Variants in CYB5R2 observed in about 807,000 individuals in gnomAD.
The protein encoded by CYB5R2 is NADH-cytochrome b5 reductase 2.
A neutral mutation model predicts 29.8 loss-of-function variants in CYB5R2; 35 were observed. The ratio of observed to expected loss-of-function variants is 1.17; its 90% confidence interval spans 0.90 to 1.56. The LOEUF (loss-of-function observed/expected upper bound fraction) is 1.56, where lower values mean the gene tolerates loss of function less well. Ranked by LOEUF, CYB5R2 falls within the 40% of genes most tolerant of loss-of-function variation. The pLI, the probability that CYB5R2 is intolerant of heterozygous loss-of-function variation, is 0.00. For missense variants in CYB5R2, 419 were observed against 346.7 expected, an observed-to-expected ratio of 1.21 and a Z score of -1.66; for synonymous variants, 169 against 130.6, an observed-to-expected ratio of 1.29 and a Z score of -2.01.
rs985933409 is a variant in CYB5R2, at chr11:7,673,453, G to A, written c.-101C>T. On this transcript the variant is annotated 5_prime_UTR_variant, in exon 1 of 9. Transcript: ENST00000299498. ...CCGCCCTGCTCCTCTCCCAACTCAAGCCCGACAGGGAAAGTTGCCTCTCCT... is the reference window on the plus strand; with the variant it reads ...CCGCCCTGCTCCTCTCCCAACTCAAACCCGACAGGGAAAGTTGCCTCTCCT... The A allele has an allele frequency of 2.5e-5, 25 of 986,294 alleles. No individual in the cohort carries two copies. In the African/African-American group the frequency reaches 3.8e-4, roughly 15 times the overall value. The allele number at this position is 986,294 out of a possible 1,614,324, so 61.1% of individuals were successfully genotyped here. A position where few individuals can be genotyped will look rare whatever the true frequency, so the allele number is the denominator to read the frequency against.
At chr11:7,673,880 A>C (rs1439365511), upstream of CYB5R2, 2 of 991,352 alleles carry the variant, frequency 2.0e-6, no homozygotes, top group Non-Finnish European at 2.4e-6. Context: ...GCGCGGGCGG[A>C]CCCCGCAGGC....
Position 7,669,674 on chromosome 11 carries a change from G to T in CYB5R2, c.209C>A (p.Thr70Asn). 1 of 1,613,570 alleles carries T rather than the reference G, an allele frequency of 6.2e-7. No homozygotes were observed. ...IDNELVVRAY[T>N]PVSSDDDRGF... Reference sequence around the variant, plus strand: ...TCTGTCATCATCACTGGAGACAGGGGTGTAAGCCCTGACCACCAATTCATT... The same window carrying T: ...TCTGTCATCATCACTGGAGACAGGGTTGTAAGCCCTGACCACCAATTCATT... Residue 70 changes from threonine (T) to asparagine (N), a missense_variant, in exon 4 of 9, where the codon ACC becomes AAC. Transcript: ENST00000299498.
At chr11:7,667,912 T>C (rs1040322515) in intron 6 of CYB5R2, 99 bp from the exon 7 acceptor site, 3 of 983,998 alleles carry the variant, frequency 3.0e-6, no homozygotes, top group East Asian at 2.4e-5. Context: ...GCCCAAGTTA[T>C]CCTTTTCTCA....
chr11:7,669,494 CTG>C, intron 4 of CYB5R2, 129 bp downstream of exon 4: 1 of 1,219,808 alleles, frequency 8.2e-7, no homozygotes. Flanking sequence ...ACAAGGTTAA[CTG>C]TAGCTTCACT....
At chr11:7,669,434 G>A (rs1855583217) in intron 4 of CYB5R2, 100 bp from the exon 5 acceptor site, 9 of 1,432,246 alleles carry the variant, frequency 6.3e-6, no homozygotes, top group Admixed American at 2.1e-5. Flanking sequence ...TGCAGAGAAA[G>A]TGTTCTCCTC....
rs917866600 is a variant in CYB5R2, at chr11:7,666,395, A to C, written c.658+56T>G. The C allele has an allele frequency of 1.2e-5, 14 of 1,131,678 alleles. No homozygotes were observed. The African/African-American group carries it at 1.7e-4, about 14-fold the overall frequency. 70.1% of individuals were successfully genotyped at this position (1,131,678 alleles called of 1,614,324 possible). On this transcript the variant is annotated intron_variant, in intron 8 of 8. Coordinates refer to ENST00000299498, the MANE Select transcript of CYB5R2 (RefSeq NM_016229.5). The stretch of plus-strand genomic sequence containing the variant: ...AACAAAGAGACAGAGACCAGTCCTC[A>C]AAGTGGTCAAGGGTTGGTGCTGACC...
upstream of CYB5R2, chr11:7,673,538 G>A (rs1300113198): frequency 3.1e-6 from 3 of 968,164 alleles, no homozygotes; most frequent in Non-Finnish European, 3.7e-6. Context: ...CCCACTCCCC[G>A]CCCTTCGCGG....
chr11:7,671,593 C>G (rs770875463), intron 3 of CYB5R2: 1 of 152,332 alleles, frequency 6.6e-6, no homozygotes, highest in South Asian at 2.1e-4. Context: ...AGTGAGGGAA[C>G]AGCAAGGAGG....
rs747457495 is a variant in CYB5R2 at position 7,669,205 on chromosome 11, C to A, written c.388G>T (p.Gly130Trp). Residue 130 changes from glycine (G) to tryptophan (W), a missense_variant and splice_region_variant, in exon 5 of 9, where the codon GGG becomes TGG. Coordinates refer to ENST00000299498, the MANE Select transcript of CYB5R2 (RefSeq NM_016229.5). ...PRGRLFYHGP[G>W]NLGIRPDQTS... Reference sequence around the variant, plus strand: ...GCCCAAGTATTAACCCCTCCAGTACCTGGCCCATGGTAAAACAAGCGTCCC... The same window carrying A: ...GCCCAAGTATTAACCCCTCCAGTACATGGCCCATGGTAAAACAAGCGTCCC... 3 of 1,614,038 alleles carry A rather than the reference C, an allele frequency of 1.9e-6. No homozygotes were observed. Among genetic ancestry groups the A allele is most frequent in the Non-Finnish European group, 2.5e-6 (3 of 1,180,024 alleles).
In CYB5R2 at chr11:7,672,888, G is replaced by T; in HGVS notation, c.-63C>A. 6.2e-7 allele frequency: 1 copy of T among 1,611,980 alleles called. No homozygotes were observed. Among genetic ancestry groups the T allele is most frequent in the East Asian group, 2.2e-5 (1 of 44,820 alleles). ...ACGGTGATGGTCAGGAGCAGGGACGGGTCCTGGCAGACACAATGTGAACAG... is the reference window on the plus strand; with the variant it reads ...ACGGTGATGGTCAGGAGCAGGGACGTGTCCTGGCAGACACAATGTGAACAG... On this transcript the variant is annotated 5_prime_UTR_variant, in exon 2 of 9. Transcript: ENST00000299498.
intron 2 of CYB5R2, 38 bp downstream of exon 2, chr11:7,672,710 C>T: frequency 6.2e-7 from 1 of 1,613,304 alleles, no homozygotes; most frequent in Non-Finnish European, 8.5e-7. Flanking sequence ...CAGCCATCAT[C>T]CACTTACTGC....
At chr11:7,669,147 G>C (rs766143055) in intron 5 of CYB5R2, 58 bp downstream of exon 5, 36 of 1,606,334 alleles carry the variant, frequency 2.2e-5, no homozygotes, top group South Asian at 4.4e-5. Context: ...GAGAACAATG[G>C]AACCATTGCA....
At chr11:7,669,129 G>T in intron 5 of CYB5R2, 76 bp downstream of exon 5, 1 of 1,561,004 alleles carries the variant, frequency 6.4e-7, no homozygotes, top group Non-Finnish European at 8.8e-7. Context: ...CAAATCTGAG[G>T]AGTGTACGAG....
chr11:7,672,413 G>C (rs1317509508), intron 3 of CYB5R2, 38 bp downstream of exon 3: 1 of 1,580,960 alleles, frequency 6.3e-7, no homozygotes, highest in Non-Finnish European at 8.7e-7. Context: ...CTAGCCCCCA[G>C]AGGCCCCAGT....
upstream of CYB5R2, chr11:7,673,611 G>A (rs1018139267): frequency 2.0e-6 from 2 of 985,292 alleles, no homozygotes; most frequent in Non-Finnish European, 1.2e-6. Flanking sequence ...TCGGACGTTC[G>A]TTCCCGGCTC....
At chr11:7,673,730 G>A (rs1355420289), upstream of CYB5R2, 18 of 986,190 alleles carry the variant, frequency 1.8e-5, no homozygotes, top group Non-Finnish European at 1.9e-5. Context: ...GGAGTGAGAC[G>A]CCCAACACGT....
chr11:7,673,264 G>T, intron 1 of CYB5R2, 155 bp downstream of exon 1: 4 of 628,558 alleles, frequency 6.4e-6, no homozygotes, highest in Non-Finnish European at 6.4e-6. Flanking sequence ...GGAATGAGGG[G>T]CCCAGTCCCT....
intron 8 of CYB5R2, chr11:7,665,768 C>T: frequency 7.1e-7 from 1 of 1,418,292 alleles, no homozygotes; most frequent in South Asian, 1.3e-5. Context: ...ACCCTGAAGC[C>T]CTGCTGCTGT....
At chr11:7,669,873 A>G (rs7942361) in intron 3 of CYB5R2, 142 bp from the exon 4 acceptor site, 489,515 of 666,386 alleles carry the variant, frequency 0.73, 180,426 homozygotes, top group East Asian at 0.81. Context: ...CAGGGAAGGA[A>G]CCCAAATATG....
Sources: allele counts gnomAD v4.1 joint callset, GRCh38; gene constraint gnomAD v4.1.1; transcripts MANE v1.5; gene names NCBI Gene and HGNC (gene_info 2026-07-23, HGNC 2026-07-21).